The following PDGFC variants were observed in gnomAD, a reference collection of about 807,000 sequenced individuals.
The protein encoded by PDGFC is platelet derived growth factor C, also known as platelet-derived growth factor C.
Under a neutral mutation model 35.5 loss-of-function variants are expected in PDGFC, and 12 were observed. The observed-to-expected ratio is 0.34, with a 90% CI of 0.22 to 0.55. PDGFC has a LOEUF of 0.55. Ranked by LOEUF, PDGFC falls within the 20% of genes least tolerant of loss-of-function variation. The probability of loss-of-function intolerance (pLI) is 0.91; values close to 1 mark genes in which losing one functional copy is unlikely to be tolerated. For missense variants in PDGFC, 322 were observed against 412.4 expected, an observed-to-expected ratio of 0.78 and a Z score of 1.90; for synonymous variants, 159 against 148.8, an observed-to-expected ratio of 1.07 and a Z score of -0.50.
chr4:156,826,795 T>G (rs1055941169), intron 2 of PDGFC, among the ~76,000 whole-genome samples: 2 of 152,310 alleles, frequency 1.3e-5, no homozygotes, highest in Admixed American at 1.3e-4. Context: ...AGAAAATATT[T>G]AAACAGCTGA....
intron 1 of PDGFC, among the ~76,000 whole-genome samples, chr4:156,920,424 A>G (rs988116328): frequency 6.6e-6 from 1 of 152,214 alleles, no homozygotes; most frequent in Non-Finnish European, 1.5e-5. Flanking sequence ...ACCAAATACT[A>G]TAAATGGTAA....
At chr4:156,887,380 T>C (rs919663030) in intron 1 of PDGFC, among the ~76,000 whole-genome samples, 1 of 152,208 alleles carries the variant, frequency 6.6e-6, no homozygotes, top group East Asian at 1.9e-4. Flanking sequence ...CATTTTCATT[T>C]GTAATTTTAC....
intron 2 of PDGFC, among the ~76,000 whole-genome samples, chr4:156,822,755 TTTTA>T (rs140282401): frequency 1.3e-5 from 2 of 151,798 alleles, no homozygotes; most frequent in Non-Finnish European, 2.9e-5. Context: ...TCATATTCTC[TTTTA>T]TTTATTTATT....
intron 1 of PDGFC, among the ~76,000 whole-genome samples, chr4:156,863,539 A>T (rs1729766632): frequency 6.6e-6 from 1 of 152,270 alleles, no homozygotes; most frequent in Middle Eastern, 3.4e-3. Context: ...CAATCCTAAT[A>T]ACTTTAATAA....
chr4:156,934,464 T>C (rs541351969), intron 1 of PDGFC, among the ~76,000 whole-genome samples: 1 of 152,288 alleles, frequency 6.6e-6, no homozygotes, highest in South Asian at 2.1e-4. Context: ...GAGTGAGTGG[T>C]GAGTGATTTT....
At chr4:156,913,149 A>T (rs1731078086) in intron 1 of PDGFC, among the ~76,000 whole-genome samples, 1 of 152,130 alleles carries the variant, frequency 6.6e-6, no homozygotes, top group Non-Finnish European at 1.5e-5. Context: ...CTTCGCATCA[A>T]CTATCACTAA....
intron 3 of PDGFC, among the ~76,000 whole-genome samples, chr4:156,800,448 C>T (rs767624393): frequency 6.6e-6 from 1 of 152,008 alleles, no homozygotes; most frequent in Non-Finnish European, 1.5e-5. Flanking sequence ...AATAAAAATA[C>T]AATTATATCA....
intron 1 of PDGFC, among the ~76,000 whole-genome samples, chr4:156,921,608 C>G (rs532944766): frequency 1.3e-5 from 2 of 152,136 alleles, no homozygotes; most frequent in South Asian, 2.1e-4. Context: ...AGCCAAGACA[C>G]AGAAATATGT....
At chr4:156,821,339 C>T (rs1420641732) in intron 2 of PDGFC, among the ~76,000 whole-genome samples, 1 of 151,976 alleles carries the variant, frequency 6.6e-6, no homozygotes, top group African/African-American at 2.4e-5. Flanking sequence ...AGCAATTCTT[C>T]CTACCTCAGC....
intron 3 of PDGFC, among the ~76,000 whole-genome samples, chr4:156,782,341 T>C (rs534564904): frequency 3.9e-5 from 6 of 152,268 alleles, no homozygotes; most frequent in South Asian, 4.1e-4. Context: ...AAAAATCCTA[T>C]GCAAAATGCA....
intron 3 of PDGFC, among the ~76,000 whole-genome samples, chr4:156,808,584 T>G (rs1367785966): frequency 6.6e-6 from 1 of 151,988 alleles, no homozygotes; most frequent in Non-Finnish European, 1.5e-5. Flanking sequence ...TTTCTTGCTT[T>G]AGGCTTTCAT....
intron 3 of PDGFC, among the ~76,000 whole-genome samples, chr4:156,793,114 T>C (rs1320842956): frequency 6.6e-6 from 1 of 152,174 alleles, no homozygotes; most frequent in South Asian, 2.1e-4. Flanking sequence ...AAATAGTTCC[T>C]ATCTTCATTA....
chr4:156,868,766 A>G (rs1239321391), intron 1 of PDGFC, among the ~76,000 whole-genome samples: 1 of 152,098 alleles, frequency 6.6e-6, no homozygotes, highest in Admixed American at 6.6e-5. Flanking sequence ...ACTATCTTAG[A>G]TATTCTATAG....
intron 1 of PDGFC, among the ~76,000 whole-genome samples, chr4:156,938,415 T>C (rs1731731992): frequency 1.3e-5 from 2 of 152,170 alleles, no homozygotes; most frequent in South Asian, 2.1e-4. Flanking sequence ...TGGCTCTTGA[T>C]CAGAGATTCA....
chr4:156,830,565 A>C (rs1728902658), intron 2 of PDGFC, among the ~76,000 whole-genome samples: 1 of 152,170 alleles, frequency 6.6e-6, no homozygotes, highest in Non-Finnish European at 1.5e-5. Context: ...ATATTTCACC[A>C]GATGGCAAAT....
intron 1 of PDGFC, among the ~76,000 whole-genome samples, chr4:156,910,621 T>C (rs778253110): frequency 6.6e-6 from 1 of 152,138 alleles, no homozygotes; most frequent in Non-Finnish European, 1.5e-5. Context: ...ATTGCCAACT[T>C]ACTTCTTGAG....
At chr4:156,947,998 G>A (rs1351250562) in intron 1 of PDGFC, among the ~76,000 whole-genome samples, 5 of 151,798 alleles carry the variant, frequency 3.3e-5, no homozygotes, top group African/African-American at 7.3e-5. Flanking sequence ...AAGTCTCTAC[G>A]GTCTACACAC....
chr4:156,944,306 T>C (rs1731884056), intron 1 of PDGFC, among the ~76,000 whole-genome samples: 1 of 152,144 alleles, frequency 6.6e-6, no homozygotes, highest in Admixed American at 6.6e-5. Flanking sequence ...CTTAGCTATA[T>C]TTATCACTAA....
chr4:156,767,284 A>C (rs933392216), intron 5 of PDGFC, among the ~76,000 whole-genome samples: 1 of 152,170 alleles, frequency 6.6e-6, no homozygotes, highest in African/African-American at 2.4e-5. Flanking sequence ...AAAGTTTAAC[A>C]TGTTATTTGA....
Sources: allele counts gnomAD v4.1 joint callset (sites outside exome capture counted in the v4.1 genomes callset), GRCh38; gene constraint gnomAD v4.1.1; transcripts MANE v1.5; gene names NCBI Gene and HGNC (gene_info 2026-07-23, HGNC 2026-07-21).